Variants in AGMO observed in about 807,000 individuals in gnomAD.
AGMO encodes alkylglycerol monooxygenase.
AGMO carries 75 observed loss-of-function variants against 60.2 expected under a neutral mutation model. The observed-to-expected ratio is 1.25, with a 90% CI of 1.03 to 1.51. AGMO has a LOEUF of 1.51. Ranked by LOEUF, AGMO falls within the 40% of genes most tolerant of loss-of-function variation. AGMO has a pLI of 0.00. For missense variants in AGMO, 763 were observed against 525.5 expected, an observed-to-expected ratio of 1.45 and a Z score of -4.42; for synonymous variants, 261 against 177.1, an observed-to-expected ratio of 1.47 and a Z score of -3.76.
chr7:15,143,283 C>G, the AGMO span, among the ~76,000 whole-genome samples: 1 of 152,204 alleles, frequency 6.6e-6, no homozygotes, highest in African/African-American at 2.4e-5. Flanking sequence ...AGACAGGCCA[C>G]TCCACAGAAT....
chr7:15,219,156 A>AT (rs1781838589), intron 12 of AGMO, among the ~76,000 whole-genome samples: 1 of 152,174 alleles, frequency 6.6e-6, no homozygotes, highest in Non-Finnish European at 1.5e-5. Context: ...TATTCAGGAA[A>AT]TAATTATTTA....
intron 3 of AGMO, among the ~76,000 whole-genome samples, chr7:15,458,531 T>C (rs1782054246): frequency 6.6e-6 from 1 of 152,124 alleles, no homozygotes; most frequent in Non-Finnish European, 1.5e-5. Flanking sequence ...AATATAATAT[T>C]TTACTTGTTT....
chr7:15,285,977 G>T lies in AGMO; in HGVS notation c.1263+79537C>A, dbSNP rs142514930. Among the ~76,000 whole-genome samples, 540 of 152,134 alleles carry T rather than the reference G, an allele frequency of 3.5e-3. 1 individual carries two copies. The highest frequency in any genetic ancestry group is 5.3e-3 in the Non-Finnish European group (360 of 67,942). The stretch of plus-strand genomic sequence containing the variant: ...CATTCAAAAATATAAATTGGGGAAA[G>T]GACACCTTATTTAATAAATGTTGCT... On this transcript the variant is annotated intron_variant, in intron 12 of 12. Transcript: ENST00000342526.
intron 12 of AGMO, among the ~76,000 whole-genome samples, chr7:15,353,631 T>C (rs1344751057): frequency 6.6e-6 from 1 of 152,238 alleles, no homozygotes; most frequent in Non-Finnish European, 1.5e-5. Flanking sequence ...CGAAAACACC[T>C]ATGTTCTGAT....
At chr7:15,364,900 A>G (rs957398286) in intron 12 of AGMO, among the ~76,000 whole-genome samples, 1 of 152,058 alleles carries the variant, frequency 6.6e-6, no homozygotes, top group Non-Finnish European at 1.5e-5. Context: ...TTGCAAACAT[A>G]ATACACTCTC....
intron 3 of AGMO, among the ~76,000 whole-genome samples, chr7:15,456,653 T>C (rs966238337): frequency 6.6e-5 from 10 of 152,274 alleles, no homozygotes; most frequent in African/African-American, 2.4e-4. Flanking sequence ...TCACTACTTC[T>C]TCCACAGGAT....
chr7:15,525,840 A>C (rs899933340), intron 3 of AGMO, among the ~76,000 whole-genome samples: 15 of 152,092 alleles, frequency 9.9e-5, no homozygotes, highest in African/African-American at 3.6e-4. Context: ...GGGCTAAAAG[A>C]GCTAATTAGC....
intron 12 of AGMO, among the ~76,000 whole-genome samples, chr7:15,322,671 A>T (rs1273893492): frequency 1.3e-5 from 1 of 76,718 alleles, no homozygotes; most frequent in Non-Finnish European, 2.2e-5. Context: ...AATATATATA[A>T]ATATATGTAT....
chr7:15,157,331 G>A, the AGMO span, among the ~76,000 whole-genome samples: 2 of 152,318 alleles, frequency 1.3e-5, no homozygotes, highest in East Asian at 3.9e-4. Context: ...AAAGAGTGGA[G>A]TGACAGGGAG....
intron 12 of AGMO, among the ~76,000 whole-genome samples, chr7:15,264,795 G>A (rs1783382967): frequency 6.6e-6 from 1 of 152,072 alleles, no homozygotes. Context: ...GTGCTGGTGA[G>A]ACTGGGGAGA....
chr7:15,254,155 G>A (rs900721825), intron 12 of AGMO, among the ~76,000 whole-genome samples: 1 of 151,980 alleles, frequency 6.6e-6, no homozygotes, highest in Non-Finnish European at 1.5e-5. Flanking sequence ...CATTTAGACT[G>A]ATTACATATA....
intron 3 of AGMO, among the ~76,000 whole-genome samples, chr7:15,517,128 A>C (rs1783834127): frequency 6.6e-6 from 1 of 152,070 alleles, no homozygotes; most frequent in African/African-American, 2.4e-5. Context: ...ATGATTTTGA[A>C]AGTGTGTATT....
chr7:15,333,982 A>T (rs1382239408), intron 12 of AGMO, among the ~76,000 whole-genome samples: 1 of 152,140 alleles, frequency 6.6e-6, no homozygotes, highest in Non-Finnish European at 1.5e-5. Flanking sequence ...AGTAAGTCCA[A>T]ATGTGAAGGA....
chr7:15,329,677 T>C (rs993279298), intron 12 of AGMO, among the ~76,000 whole-genome samples: 1 of 152,192 alleles, frequency 6.6e-6, no homozygotes, highest in Non-Finnish European at 1.5e-5. Flanking sequence ...ATCCTGTCCA[T>C]TATTATGTTT....
chr7:15,519,271 G>C (rs1783912004), intron 3 of AGMO, among the ~76,000 whole-genome samples: 1 of 151,956 alleles, frequency 6.6e-6, no homozygotes, highest in African/African-American at 2.4e-5. Flanking sequence ...AACCCACCAA[G>C]ACAGGCCAAC....
At chr7:15,468,823 T>C (rs1237456587) in intron 3 of AGMO, among the ~76,000 whole-genome samples, 1 of 152,090 alleles carries the variant, frequency 6.6e-6, no homozygotes, top group Non-Finnish European at 1.5e-5. Context: ...CGGGCAGAGA[T>C]GGATGATTTT....
chr7:15,195,448 A>G (rs1332755460), downstream of AGMO, among the ~76,000 whole-genome samples: 6 of 152,178 alleles, frequency 3.9e-5, no homozygotes, highest in African/African-American at 1.2e-4. Flanking sequence ...GATTGGTTGG[A>G]CCAGGTGTGA....
At position 15,543,011 on chromosome 7, in the gene AGMO, C is replaced by T. The variant is rs77268968; in HGVS notation, c.409+1761G>A. 7.2e-3 allele frequency among the ~76,000 whole-genome samples: 1,097 copies of T among 152,252 alleles called. 14 individuals carry two copies. Among genetic ancestry groups the T allele is most frequent in the African/African-American group, 0.025 (1,051 of 41,548 alleles). ...ACACAAATCCATGCTACTCCTATTT[C>T]CTTCATCCTTGCTTGGGAAGGATAT... On this transcript the variant is annotated intron_variant, in intron 3 of 12. Coordinates refer to ENST00000342526, the MANE Select transcript of AGMO (RefSeq NM_001004320.2).
intron 12 of AGMO, among the ~76,000 whole-genome samples, chr7:15,274,821 G>C (rs954145472): frequency 1.3e-5 from 2 of 151,208 alleles, no homozygotes; most frequent in African/African-American, 4.9e-5. Flanking sequence ...ATTTCCTCTA[G>C]GTTTTCTAGT....
Sources: allele counts gnomAD v4.1 joint callset (sites outside exome capture counted in the v4.1 genomes callset), GRCh38; gene constraint gnomAD v4.1.1; transcripts MANE v1.5; gene names NCBI Gene and HGNC (gene_info 2026-07-23, HGNC 2026-07-21).